MAML2: variants seen among roughly 807,000 people sequenced by gnomAD.
MAML2 encodes mastermind like transcriptional coactivator 2.
Under a neutral mutation model 96.1 loss-of-function variants are expected in MAML2, and 22 were observed. The ratio of observed to expected loss-of-function variants is 0.23; its 90% CI spans 0.16 to 0.33. The LOEUF (loss-of-function observed/expected upper bound fraction) is 0.33. MAML2 is among the 10% of genes least tolerant of loss of function. The pLI is 1.00. For synonymous variants in MAML2, 561 were observed against 521.3 expected, an observed-to-expected ratio of 1.08 and a Z score of -1.04; for missense variants, 1,367 against 1,392.4, an observed-to-expected ratio of 0.98 and a Z score of 0.29.
At chr11:96,289,212 A>T (rs1863178875) in intron 1 of MAML2, among the ~76,000 whole-genome samples, 1 of 152,252 alleles carries the variant, frequency 6.6e-6, no homozygotes, top group African/African-American at 2.4e-5. Context: ...TGTTTAGACC[A>T]CAGATTTTTA....
chr11:96,119,957 G>GTTT (rs1565220739), intron 1 of MAML2, among the ~76,000 whole-genome samples: 682 of 50,412 alleles, frequency 0.014, 6 homozygotes, highest in African/African-American at 0.043. Context: ...AGAAGATTCA[G>GTTT]ATTTTTTTTT....
chr11:96,093,643 A>C lies in MAML2; in HGVS notation c.514-126T>G, dbSNP rs141580533. ...ACACAAGATTCAGTTTTTTAAAAAA[A>C]TGGCACAGAGAGAGCACAAATGAAG... On this transcript the variant is annotated intron_variant, in intron 1 of 4. Transcript: ENST00000524717. The C allele has an allele frequency of 1.4e-3, 1,015 of 723,594 alleles. 5 individuals are homozygous for C. In the African/African-American group the frequency reaches 0.016, roughly 12 times the overall value. The allele number at this position is 723,594 out of a possible 1,614,324, so 44.8% of individuals were successfully genotyped here.
rs139322947 is a variant in MAML2, at chr11:96,220,703, G to A, written c.513+120680C>T. On this transcript the variant is annotated intron_variant, in intron 1 of 4. Transcript: ENST00000524717. Reference sequence around the variant, plus strand: ...TTCTGGTTGTATTATAGGTAATAGAGTAACTTGGAAAAAAGTACAATTTCC... The same window carrying A: ...TTCTGGTTGTATTATAGGTAATAGAATAACTTGGAAAAAAGTACAATTTCC... Among the ~76,000 whole-genome samples the A allele has an allele frequency of 3.7e-3, 557 of 152,048 alleles. 14 individuals carry two copies. Among genetic ancestry groups the A allele is most frequent in the Admixed American group, 0.024 (371 of 15,256 alleles).
At chr11:96,121,083 A>AC (rs76860985) in intron 1 of MAML2, among the ~76,000 whole-genome samples, 2 of 152,004 alleles carry the variant, frequency 1.3e-5, no homozygotes, top group Non-Finnish European at 1.5e-5. Flanking sequence ...AGCCAGAGTC[A>AC]GGGGGGAGTG....
At chr11:96,043,952 T>C (rs1394389499) in intron 2 of MAML2, among the ~76,000 whole-genome samples, 2 of 152,218 alleles carry the variant, frequency 1.3e-5, no homozygotes, top group Non-Finnish European at 2.9e-5. Flanking sequence ...AATAAGTAGA[T>C]GAAGGTAATC....
intron 2 of MAML2, among the ~76,000 whole-genome samples, chr11:96,054,055 G>A (rs1159391953): frequency 6.6e-6 from 1 of 152,092 alleles, no homozygotes; most frequent in Non-Finnish European, 1.5e-5. Flanking sequence ...TTACTTACAT[G>A]TATTACTATG....
intron 1 of MAML2, among the ~76,000 whole-genome samples, chr11:96,120,800 A>T (rs1238217743): frequency 6.6e-6 from 1 of 152,170 alleles, no homozygotes; most frequent in Non-Finnish European, 1.5e-5. Context: ...CTGGATGATG[A>T]TGATGATGAT....
At chr11:96,172,642 T>C (rs1278664232) in intron 1 of MAML2, among the ~76,000 whole-genome samples, 3 of 152,218 alleles carry the variant, frequency 2.0e-5, no homozygotes, top group Non-Finnish European at 2.9e-5. Flanking sequence ...ATATGAGTAG[T>C]GGAATAAATT....
At chr11:96,066,593 T>A (rs1053147291) in intron 2 of MAML2, among the ~76,000 whole-genome samples, 1 of 152,224 alleles carries the variant, frequency 6.6e-6, no homozygotes, top group East Asian at 1.9e-4. Flanking sequence ...CCAGAGTCCA[T>A]TGAATCCCAT....
At chr11:95,994,714 T>C (rs1313520849) in intron 2 of MAML2, among the ~76,000 whole-genome samples, 1 of 152,226 alleles carries the variant, frequency 6.6e-6, no homozygotes, top group Non-Finnish European at 1.5e-5. Flanking sequence ...TCTGCTCTTT[T>C]CTTTGTTAGT....
chr11:96,053,834 G>A (rs1201910985), intron 2 of MAML2, among the ~76,000 whole-genome samples: 1 of 152,132 alleles, frequency 6.6e-6, no homozygotes, highest in Non-Finnish European at 1.5e-5. Flanking sequence ...CAGTTAACAT[G>A]TTTGGGAACA....
At chr11:96,251,586 T>C (rs1862582015) in intron 1 of MAML2, among the ~76,000 whole-genome samples, 1 of 152,210 alleles carries the variant, frequency 6.6e-6, no homozygotes, top group Non-Finnish European at 1.5e-5. Context: ...AAGACAGGTA[T>C]GTTTTAACCT....
chr11:96,206,237 G>A (rs1591072072), intron 1 of MAML2, among the ~76,000 whole-genome samples: 1 of 152,108 alleles, frequency 6.6e-6, no homozygotes, highest in African/African-American at 2.4e-5. Flanking sequence ...TATTTGGGGT[G>A]AGTATCAGTA....
chr11:96,211,632 A>G (rs1315718355), intron 1 of MAML2, among the ~76,000 whole-genome samples: 1 of 152,152 alleles, frequency 6.6e-6, no homozygotes, highest in Non-Finnish European at 1.5e-5. Context: ...GATGTCACAC[A>G]TCTGATGTCA....
intron 1 of MAML2, among the ~76,000 whole-genome samples, chr11:96,279,180 G>A (rs1863030085): frequency 6.6e-6 from 1 of 152,210 alleles, no homozygotes; most frequent in African/African-American, 2.4e-5. Context: ...TGTCATTCAA[G>A]TGGAAAGGCC....
At chr11:96,025,536 C>A (rs1227734281) in intron 2 of MAML2, among the ~76,000 whole-genome samples, 3 of 152,138 alleles carry the variant, frequency 2.0e-5, no homozygotes, top group Non-Finnish European at 4.4e-5. Flanking sequence ...CCCACTGAAT[C>A]TAAAATAAAA....
At chr11:96,197,439 T>C (rs1272532063) in intron 1 of MAML2, among the ~76,000 whole-genome samples, 1 of 152,158 alleles carries the variant, frequency 6.6e-6, no homozygotes, top group Non-Finnish European at 1.5e-5. Flanking sequence ...TGGGAGGCAA[T>C]CCAAGTAGCC....
intron 1 of MAML2, among the ~76,000 whole-genome samples, chr11:96,146,201 T>C (rs1195056991): frequency 6.6e-6 from 1 of 152,208 alleles, no homozygotes; most frequent in Non-Finnish European, 1.5e-5. Context: ...ATAATTTTTA[T>C]AATATTATTG....
chr11:96,285,290 A>G (rs1453775230), intron 1 of MAML2, among the ~76,000 whole-genome samples: 1 of 152,210 alleles, frequency 6.6e-6, no homozygotes, highest in East Asian at 1.9e-4. Flanking sequence ...CAGAAAATTG[A>G]AACTGGACCC....
Sources: gnomAD v4.1 joint callset for allele counts (sites outside exome capture counted in the v4.1 genomes callset) on GRCh38, gnomAD v4.1.1 for gene constraint, MANE v1.5 for transcripts, NCBI Gene and HGNC (gene_info 2026-07-23, HGNC 2026-07-21) for gene names.